Variants in COL21A1 observed in about 807,000 individuals in gnomAD.
The protein encoded by COL21A1 is collagen type XXI alpha 1 chain.
COL21A1 carries 149 observed loss-of-function variants against 137.9 expected under a neutral mutation model. That is an observed-to-expected ratio of 1.08 (90% CI 0.95 to 1.24). The LOEUF (loss-of-function observed/expected upper bound fraction) is 1.24, where lower values mean the gene tolerates loss of function less well. Ranked by LOEUF, COL21A1 falls within the 50% of genes most tolerant of loss-of-function variation. COL21A1 has a pLI of 0.00. For missense variants in COL21A1, 1,167 were observed against 1,158.4 expected, an observed-to-expected ratio of 1.01 and a Z score of -0.11; for synonymous variants, 456 against 391.5, an observed-to-expected ratio of 1.16 and a Z score of -1.95.
intron 16 of COL21A1, among the ~76,000 whole-genome samples, chr6:56,120,386 G>A (rs1772353367): frequency 6.6e-6 from 1 of 152,094 alleles, no homozygotes; most frequent in African/African-American, 2.4e-5. Context: ...TTATCCAAAA[G>A]GCAAACAATA....
chr6:56,254,588 C>G (rs1043141273), intron 1 of COL21A1, among the ~76,000 whole-genome samples: 3 of 152,098 alleles, frequency 2.0e-5, no homozygotes, highest in Non-Finnish European at 2.9e-5. Flanking sequence ...CAATACATAA[C>G]AAAATAATTG....
intron 1 of COL21A1, among the ~76,000 whole-genome samples, chr6:56,370,040 C>G (rs1766194879): frequency 6.6e-6 from 1 of 152,102 alleles, no homozygotes; most frequent in Admixed American, 6.6e-5. Flanking sequence ...TAGAAAAAGA[C>G]TTGAGGCCAT....
chr6:56,263,813 A>G (rs900170738), intron 1 of COL21A1, among the ~76,000 whole-genome samples: 7 of 152,202 alleles, frequency 4.6e-5, no homozygotes, highest in African/African-American at 7.2e-5. Context: ...CATTCTTGCT[A>G]TAATAAGCTT....
At chr6:56,283,536 T>G (rs1341721068) in intron 1 of COL21A1, among the ~76,000 whole-genome samples, 1 of 152,158 alleles carries the variant, frequency 6.6e-6, no homozygotes, top group East Asian at 1.9e-4. Flanking sequence ...TTTCCTACAT[T>G]CTTAAAATAA....
At chr6:56,164,708 A>G (rs777869264) in intron 8 of COL21A1, 106 bp downstream of exon 8, 1 of 937,652 alleles carries the variant, frequency 1.1e-6, no homozygotes, top group Non-Finnish European at 1.6e-6. Flanking sequence ...TTACATAAAA[A>G]TGGGTTCCAT....
chr6:56,208,510 C>T (rs971824107), intron 1 of COL21A1, among the ~76,000 whole-genome samples: 3 of 152,062 alleles, frequency 2.0e-5, no homozygotes, highest in Non-Finnish European at 4.4e-5. Context: ...AACCACTGCT[C>T]AAGGAAATAA....
At chr6:56,071,134 TC>T (rs1454804652) in intron 20 of COL21A1, among the ~76,000 whole-genome samples, 13 of 151,448 alleles carry the variant, frequency 8.6e-5, no homozygotes, top group Non-Finnish European at 1.5e-4. Context: ...AACAGCATCC[TC>T]CGGGCTGAGA....
intron 29 of COL21A1, among the ~76,000 whole-genome samples, chr6:56,058,829 T>C (rs1319686523): frequency 6.6e-6 from 1 of 152,170 alleles, no homozygotes; most frequent in African/African-American, 2.4e-5. Flanking sequence ...AGAGATTACT[T>C]AACCGCTTCA....
chr6:56,119,179 A>T (rs1357691862), intron 16 of COL21A1, among the ~76,000 whole-genome samples: 1 of 152,018 alleles, frequency 6.6e-6, no homozygotes, highest in African/African-American at 2.4e-5. Flanking sequence ...ATTTAGAAAA[A>T]CCTAAAGACT....
chr6:56,276,058 G>A (rs1263020592), intron 1 of COL21A1, among the ~76,000 whole-genome samples: 1 of 152,266 alleles, frequency 6.6e-6, no homozygotes, highest in Non-Finnish European at 1.5e-5. Context: ...AGAGTGAAAT[G>A]TCCTTTCCAG....
chr6:56,183,243 C>T (rs191307052), intron 1 of COL21A1, among the ~76,000 whole-genome samples: 1 of 151,852 alleles, frequency 6.6e-6, no homozygotes, highest in East Asian at 1.9e-4. Flanking sequence ...TCATTCACAA[C>T]AATGAGTACA....
chr6:56,324,734 G>A (rs1213036116), intron 1 of COL21A1, among the ~76,000 whole-genome samples: 1 of 151,936 alleles, frequency 6.6e-6, no homozygotes, highest in Non-Finnish European at 1.5e-5. Flanking sequence ...AACTGATGGG[G>A]TTCAAAACAT....
intron 1 of COL21A1, among the ~76,000 whole-genome samples, chr6:56,363,117 T>C (rs577535092): frequency 1.3e-5 from 2 of 152,310 alleles, no homozygotes; most frequent in East Asian, 3.9e-4. Flanking sequence ...GTCCTACATA[T>C]GTGCCCAAGA....
chr6:56,172,169 T>C (rs1203039090), intron 3 of COL21A1, among the ~76,000 whole-genome samples: 1 of 151,668 alleles, frequency 6.6e-6, no homozygotes, highest in Non-Finnish European at 1.5e-5. Flanking sequence ...GATACTCGAA[T>C]TCAAGAAGCC....
At chr6:56,057,904 C>A in intron 29 of COL21A1, 60 bp from the exon 30 acceptor site, 2 of 1,172,946 alleles carry the variant, frequency 1.7e-6, no homozygotes, top group South Asian at 2.0e-5. Context: ...AATGAAATAG[C>A]CAATTCTGCA....
At chr6:56,093,858 C>T (rs1769083103) in intron 17 of COL21A1, among the ~76,000 whole-genome samples, 1 of 152,116 alleles carries the variant, frequency 6.6e-6, no homozygotes, top group Admixed American at 6.5e-5. Context: ...AGAGGCTCCT[C>T]CCCAGGTTTT....
intron 17 of COL21A1, among the ~76,000 whole-genome samples, chr6:56,081,788 C>T (rs1431898519): frequency 6.6e-6 from 1 of 151,898 alleles, no homozygotes; most frequent in African/African-American, 2.4e-5. Context: ...CTTATTCACC[C>T]TGGCCTGTAG....
rs540576410 is a variant in COL21A1, at chr6:56,222,054, C to T, written c.-39+25333G>A. 1.2e-4 allele frequency among the ~76,000 whole-genome samples: 18 copies of T among 152,172 alleles called. No homozygotes were observed. The South Asian group carries it at 3.3e-3, about 28-fold the overall frequency. ...TTGGGAGGCCGAGGCGGATGGATTA[C>T]CTGAGGTCAGGAATTCGAGACCAGC... On this transcript the variant is annotated intron_variant, in intron 1 of 29. Transcript: ENST00000244728.
chr6:56,331,551 A>AT (rs70989706), intron 1 of COL21A1, among the ~76,000 whole-genome samples: 67,437 of 151,604 alleles, frequency 0.44, 16,512 homozygotes, highest in East Asian at 0.8. Context: ...TCCCCAGTGT[A>AT]TTTTTTTGTC....
Sources: gnomAD v4.1 joint callset for allele counts (sites outside exome capture counted in the v4.1 genomes callset) on GRCh38, gnomAD v4.1.1 for gene constraint, MANE v1.5 for transcripts, NCBI Gene and HGNC (gene_info 2026-07-23, HGNC 2026-07-21) for gene names.